Variants in SASS6 observed in about 807,000 individuals in gnomAD.
The protein encoded by SASS6 is SAS-6 centriolar assembly protein, also known as spindle assembly abnormal protein 6 homolog.
In SASS6, 59 loss-of-function variants were observed where a neutral mutation model predicts 94.9. The ratio of observed to expected loss-of-function variants is 0.62; its 90% confidence interval spans 0.50 to 0.77. The LOEUF (loss-of-function observed/expected upper bound fraction) is 0.77. Among genes scored for constraint, SASS6 ranks in the 30% least tolerant of loss-of-function variants. The pLI is 0.00. For missense variants in SASS6, 698 were observed against 734.1 expected (o/e 0.95, Z 0.57); for synonymous variants, 264 against 270.0 (o/e 0.98, Z 0.22).
chr1:100,121,122 C>T lies in SASS6; in HGVS notation c.483+256G>A, dbSNP rs143998535. 4.9e-4 allele frequency among the ~76,000 whole-genome samples: 74 copies of T among 151,254 alleles called. No homozygotes were observed. The Middle Eastern group carries it at 0.01, about 21-fold the overall frequency. ...CATACATGTCTACCAGTTGATGAAACCATGACAGAAGAGTTTAAGTGACCT... is the reference window on the plus strand; with the variant it reads ...CATACATGTCTACCAGTTGATGAAATCATGACAGAAGAGTTTAAGTGACCT... On this transcript the variant is annotated intron_variant, in intron 5 of 16. Coordinates refer to ENST00000287482, the MANE Select transcript of SASS6 (RefSeq NM_194292.3).
At chr1:100,109,692 C>T (rs1465975816) in intron 8 of SASS6, among the ~76,000 whole-genome samples, 1 of 152,000 alleles carries the variant, frequency 6.6e-6, no homozygotes, top group Non-Finnish European at 1.5e-5. Context: ...AATCCTTGTT[C>T]TTCCACTCCT....
At chr1:100,120,119 T>C (rs894279148) in intron 6 of SASS6, among the ~76,000 whole-genome samples, 1 of 152,188 alleles carries the variant, frequency 6.6e-6, no homozygotes, top group Non-Finnish European at 1.5e-5. Flanking sequence ...GGAGAACTAA[T>C]ATATGACAGA....
intron 14 of SASS6, among the ~76,000 whole-genome samples, 183 bp from the exon 15 acceptor site, chr1:100,088,419 T>C (rs541122231): frequency 1.3e-5 from 2 of 152,252 alleles, no homozygotes; most frequent in Admixed American, 6.5e-5. Flanking sequence ...TCCTTCCAAC[T>C]AGCTGAGACT....
Position 100,107,540 on chromosome 1 carries a change from A to C in SASS6, c.1160T>G (p.Ile387Ser). The C allele has an allele frequency of 6.3e-7, 1 of 1,599,130 alleles. No individual in the cohort carries two copies. The highest frequency in any genetic ancestry group is 1.1e-5 in the South Asian group (1 of 88,964). The change falls in exon 11 of 17, where the codon ATC (isoleucine) becomes AGC (serine). Residue 387 changes from isoleucine (I) to serine (S), a missense_variant. Ile to Ser is a moderately radical substitution (Grantham distance 142). Transcript: ENST00000287482. ...TTTCAGATCCCCTTGTAACTTCTTG[A>C]TAATTTCATTTGCCTATAAAAGAGC... Reference protein sequence around the residue: ...SAELLKANEIIKKLQGDLKTL... With the variant: ...SAELLKANEISKKLQGDLKTL...
chr1:100,122,549 CTTTTTTT>C (rs71075469), intron 3 of SASS6, 65 bp from the exon 4 acceptor site: 9 of 224,086 alleles, frequency 4.0e-5, no homozygotes, highest in East Asian at 1.3e-4. Context: ...GTTTTGGTGC[CTTTTTTT>C]TTTTTTTTTT....
Position 100,086,685 on chromosome 1 carries a change from G to T in SASS6, c.1773-1055C>A, listed in dbSNP as rs552830185. Among the ~76,000 whole-genome samples the T allele has an allele frequency of 9.8e-4, 148 of 150,852 alleles. 2 individuals carry two copies. Among genetic ancestry groups the T allele is most frequent in the South Asian group, 3.8e-3 (18 of 4,754 alleles). ...ACCACCATGTCTGGCTTTTTTTTTG[G>T]TTTTTTTCCTTTTGAGGCAGGGCCC... On this transcript the variant is annotated intron_variant, in intron 15 of 16. Coordinates refer to ENST00000287482, the MANE Select transcript of SASS6 (RefSeq NM_194292.3).
chr1:100,111,108 T>C (rs539534188), intron 7 of SASS6, among the ~76,000 whole-genome samples: 20 of 152,060 alleles, frequency 1.3e-4, no homozygotes, highest in South Asian at 6.2e-4. Flanking sequence ...AAATCCTAAA[T>C]ATCTTTTGAA....
chr1:100,109,381 C>T (rs923878141), intron 8 of SASS6, among the ~76,000 whole-genome samples: 1 of 151,972 alleles, frequency 6.6e-6, no homozygotes, highest in Non-Finnish European at 1.5e-5. Context: ...CATATATTTT[C>T]TAATAATTCA....
intron 14 of SASS6, among the ~76,000 whole-genome samples, chr1:100,099,669 A>G (rs988410475): frequency 1.3e-5 from 2 of 152,188 alleles, no homozygotes; most frequent in Non-Finnish European, 2.9e-5. Context: ...GACTCAATGA[A>G]AAAGGACAGC....
In SASS6 at chr1:100,112,915, G is replaced by C. The variant is rs112956901; in HGVS notation, c.670-2432C>G. Among the ~76,000 whole-genome samples the C allele has an allele frequency of 2.0e-3, 309 of 152,252 alleles. 1 individual carries two copies. The highest frequency in any genetic ancestry group is 6.3e-3 in the African/African-American group (263 of 41,546). ...AATGCACCCTTCAAATGATTCTCACGCACACTAAAGTTTTACATTATCTAT... is the reference window on the plus strand; with the variant it reads ...AATGCACCCTTCAAATGATTCTCACCCACACTAAAGTTTTACATTATCTAT... On this transcript the variant is annotated intron_variant, in intron 7 of 16. Transcript: ENST00000287482.
chr1:100,109,560 C>A (rs1358361603), intron 8 of SASS6, among the ~76,000 whole-genome samples: 1 of 151,882 alleles, frequency 6.6e-6, no homozygotes, highest in Non-Finnish European at 1.5e-5. Flanking sequence ...TGCAACAAAC[C>A]TGCACATTCT....
chr1:100,131,532 T>G lies in SASS6; in HGVS notation c.65+1218A>C, dbSNP rs185361492. ...CATAGTAAGTCTTAAAAATCCAACGTGCATTTTCATATGTAAAGCACAACA... is the reference window on the plus strand; with the variant it reads ...CATAGTAAGTCTTAAAAATCCAACGGGCATTTTCATATGTAAAGCACAACA... On this transcript the variant is annotated intron_variant, in intron 1 of 16. Coordinates refer to ENST00000287482, the MANE Select transcript of SASS6 (RefSeq NM_194292.3). 3.9e-5 allele frequency among the ~76,000 whole-genome samples: 6 copies of G among 152,342 alleles called. No individual in the cohort carries two copies. In the East Asian group the frequency reaches 7.7e-4, roughly 20 times the overall value.
intron 1 of SASS6, among the ~76,000 whole-genome samples, chr1:100,129,651 T>C (rs940336016): frequency 6.6e-6 from 1 of 152,134 alleles, no homozygotes; most frequent in Non-Finnish European, 1.5e-5. Flanking sequence ...ATTTAAGACA[T>C]ACCTGAAAGT....
At chr1:100,092,445 A>AT (rs1651787392) in intron 14 of SASS6, among the ~76,000 whole-genome samples, 1 of 152,256 alleles carries the variant, frequency 6.6e-6, no homozygotes, top group African/African-American at 2.4e-5. Context: ...ATGTTCTATC[A>AT]TTCAGGGAAA....
At chr1:100,088,313 C>T in intron 14 of SASS6, 77 bp from the exon 15 acceptor site, 1 of 734,786 alleles carries the variant, frequency 1.4e-6, no homozygotes, top group Non-Finnish European at 2.5e-6. Flanking sequence ...GGATTTTAAA[C>T]AGAGCCTTGC....
At chr1:100,100,123 A>G (rs1414628690) in intron 14 of SASS6, among the ~76,000 whole-genome samples, 1 of 151,998 alleles carries the variant, frequency 6.6e-6, no homozygotes, top group Non-Finnish European at 1.5e-5. Context: ...AAAATTAGCC[A>G]GGTGTGGTGC....
intron 7 of SASS6, among the ~76,000 whole-genome samples, chr1:100,112,755 G>A (rs954633982): frequency 6.6e-6 from 1 of 152,162 alleles, no homozygotes; most frequent in Non-Finnish European, 1.5e-5. Context: ...CTATGGCAGT[G>A]GTTATCAAAG....
rs532742863 is a variant in SASS6 at position 100,120,063 on chromosome 1, T to C, written c.549+331A>G. On this transcript the variant is annotated intron_variant, in intron 6 of 16. Transcript: ENST00000287482. Reference sequence around the variant, plus strand: ...AGGGAAAGGTTTAGAGCATAGGAACTGAAAAGCCATTTAGGCCAGAGGAAT... The same window carrying C: ...AGGGAAAGGTTTAGAGCATAGGAACCGAAAAGCCATTTAGGCCAGAGGAAT... 4.6e-5 allele frequency among the ~76,000 whole-genome samples: 7 copies of C among 152,268 alleles called. 1 individual carries two copies. In the South Asian group the frequency reaches 1.5e-3, roughly 32 times the overall value.
intron 7 of SASS6, among the ~76,000 whole-genome samples, chr1:100,118,228 T>C (rs1275718630): frequency 2.6e-5 from 4 of 152,064 alleles, no homozygotes; most frequent in African/African-American, 9.7e-5. Flanking sequence ...GGCAGGAGAA[T>C]TGCTTGAACC....
Sources: allele counts gnomAD v4.1 joint callset (sites outside exome capture counted in the v4.1 genomes callset), GRCh38; gene constraint gnomAD v4.1.1; transcripts MANE v1.5; gene names NCBI Gene and HGNC (gene_info 2026-07-23, HGNC 2026-07-21).